Variants in PPP2R5C observed in about 807,000 individuals in gnomAD.
PPP2R5C encodes the protein protein phosphatase 2 regulatory subunit B'gamma.
A neutral mutation model predicts 68.9 loss-of-function variants in PPP2R5C; 7 were observed. That is an observed-to-expected ratio of 0.10 (90% confidence interval 0.06 to 0.19). The LOEUF (loss-of-function observed/expected upper bound fraction) is 0.19, where lower values mean the gene tolerates loss of function less well. Ranked by LOEUF, PPP2R5C falls within the 10% of genes least tolerant of loss-of-function variation. The pLI is 1.00. For synonymous variants in PPP2R5C, 210 were observed against 222.2 expected, an observed-to-expected ratio of 0.95 and a Z score of 0.49; for missense variants, 348 against 641.3, an observed-to-expected ratio of 0.54 and a Z score of 4.94.
chr14:101,762,940 A>G lies in PPP2R5C; in HGVS notation c.63A>G (p.Ser21=), dbSNP rs768360842. Residue 21 remains serine, a synonymous_variant, in exon 2 of 15, where the codon TCA becomes TCG. Transcript: ENST00000328724. ...AAGCAGGGAAGAGTGGAAAAAGTTC[A>G]AAAGAAGGACAAGACACAGTAGAAT... 1.3e-6 allele frequency: 2 copies of G among 1,583,486 alleles called. No homozygotes were observed. Among genetic ancestry groups the G allele is most frequent in the Non-Finnish European group, 1.7e-6 (2 of 1,163,818 alleles).
chr14:101,786,314 T>G (rs542216783), intron 3 of PPP2R5C, 131 bp downstream of exon 3: 23 of 224,262 alleles, frequency 1.0e-4, no homozygotes, highest in African/African-American at 2.7e-4. Flanking sequence ...TATTGAGGGG[T>G]TTTTTTTTTT....
At chr14:101,890,860 C>T (rs1175053245) in intron 6 of PPP2R5C, among the ~76,000 whole-genome samples, 1 of 145,052 alleles carries the variant, frequency 6.9e-6, no homozygotes, top group Admixed American at 7.1e-5. Flanking sequence ...GCAATCTCTG[C>T]TTCCCTGGTT....
chr14:101,821,195 C>T (rs1336265744), intron 1 of PPP2R5C: 2 of 152,138 alleles, frequency 1.3e-5, no homozygotes, highest in South Asian at 2.1e-4. Flanking sequence ...CCCACCTAAC[C>T]CTGAGCCTTC....
At chr14:101,885,505 T>C (rs1408928280) in intron 5 of PPP2R5C, among the ~76,000 whole-genome samples, 1 of 140,900 alleles carries the variant, frequency 7.1e-6, no homozygotes, top group Non-Finnish European at 1.5e-5. Flanking sequence ...CCGTGCCGGC[T>C]TGCACAGCCT....
intron 13 of PPP2R5C, among the ~76,000 whole-genome samples, chr14:101,923,544 G>A (rs538547918): frequency 1.3e-5 from 2 of 152,290 alleles, no homozygotes; most frequent in African/African-American, 2.4e-5. Context: ...GCTCTTACAA[G>A]TACCGTGATG....
At chr14:101,865,072 G>C (rs544762615) in intron 2 of PPP2R5C, among the ~76,000 whole-genome samples, 3 of 152,314 alleles carry the variant, frequency 2.0e-5, no homozygotes, top group African/African-American at 7.2e-5. Context: ...AGGAACCAAC[G>C]CGCAGGTTTC....
chr14:101,801,316 T>C (rs2038853401), intron 3 of PPP2R5C, among the ~76,000 whole-genome samples: 1 of 152,158 alleles, frequency 6.6e-6, no homozygotes, highest in Admixed American at 6.5e-5. Flanking sequence ...AAATATCACA[T>C]GTCCCCTCCA....
At chr14:101,858,452 C>T (rs1174551336) in intron 2 of PPP2R5C, among the ~76,000 whole-genome samples, 3 of 151,520 alleles carry the variant, frequency 2.0e-5, no homozygotes, top group African/African-American at 7.3e-5. Flanking sequence ...TCACCTCAAG[C>T]GTTTATCATT....
intron 1 of PPP2R5C, chr14:101,820,602 C>G (rs1042192615): frequency 3.9e-5 from 6 of 152,344 alleles, no homozygotes; most frequent in Non-Finnish European, 7.4e-5. Context: ...TTTTGAGAAG[C>G]ATTGAAACCT....
rs2046064096 is a variant in PPP2R5C at position 101,906,965 on chromosome 14, G to C, written c.1151+436G>C. ...AACCACCCCACAGTGGTCACTACCT[G>C]GAGAAGAAGAGGGAAGCCAGGTGAT... On this transcript the variant is annotated intron_variant, in intron 10 of 13. Coordinates refer to ENST00000334743, the Ensembl canonical transcript of PPP2R5C. This position sits in a 1 kb window ranked among gnomAD's most constrained non-coding sequence, Gnocchi z 4.0. 6.6e-6 allele frequency among the ~76,000 whole-genome samples: 1 copy of C among 152,104 alleles called. No homozygotes were observed. Among genetic ancestry groups the C allele is most frequent in the African/African-American group, 2.4e-5 (1 of 41,412 alleles).
chr14:101,798,457 TCAAA>T (rs2038716929), intron 3 of PPP2R5C, among the ~76,000 whole-genome samples: 1 of 152,154 alleles, frequency 6.6e-6, no homozygotes, highest in Non-Finnish European at 1.5e-5. Flanking sequence ...GACAGAGGGA[TCAAA>T]GAATAAAGAA....
At chr14:101,812,110 G>T (rs2039397400) in intron 1 of PPP2R5C, among the ~76,000 whole-genome samples, 1 of 152,188 alleles carries the variant, frequency 6.6e-6, no homozygotes, top group Admixed American at 6.5e-5. Context: ...GACTTTTCTG[G>T]AGCGAGCATG....
chr14:101,763,728 C>T (rs2036689668), intron 2 of PPP2R5C, among the ~76,000 whole-genome samples: 1 of 152,160 alleles, frequency 6.6e-6, no homozygotes, highest in Non-Finnish European at 1.5e-5. Context: ...AACCCAGCAA[C>T]CCTCCTGTAT....
intron 1 of PPP2R5C, among the ~76,000 whole-genome samples, chr14:101,828,765 C>A (rs1158175845): frequency 6.6e-6 from 1 of 151,438 alleles, no homozygotes; most frequent in African/African-American, 2.4e-5. Flanking sequence ...GCAACCTCCG[C>A]CTCCTGGGTT....
chr14:101,792,934 G>A (rs1474129521), intron 3 of PPP2R5C, among the ~76,000 whole-genome samples: 2 of 150,950 alleles, frequency 1.3e-5, no homozygotes, highest in Admixed American at 1.3e-4. Flanking sequence ...CTGGAGTGCA[G>A]TGGTGCAATC....
chr14:101,764,866 A>G (rs148782074), intron 2 of PPP2R5C, among the ~76,000 whole-genome samples: 2 of 145,456 alleles, frequency 1.4e-5, no homozygotes, highest in African/African-American at 5.2e-5. Context: ...TTCTCCCCAG[A>G]GCTTTCTTGC....
chr14:101,808,454 G>A (rs2039168399), upstream of PPP2R5C, among the ~76,000 whole-genome samples: 1 of 151,976 alleles, frequency 6.6e-6, no homozygotes, highest in Admixed American at 6.6e-5. Context: ...GAGGGGGAAG[G>A]GTGGGATTTG....
intron 8 of PPP2R5C, among the ~76,000 whole-genome samples, chr14:101,898,115 G>A (rs952384690): frequency 2.6e-5 from 4 of 152,062 alleles, no homozygotes; most frequent in African/African-American, 9.7e-5. Flanking sequence ...AGCTATGAAC[G>A]CACCAACTTC....
At chr14:101,857,001 T>C in intron 2 of PPP2R5C, 116 bp downstream of exon 4, 1 of 995,316 alleles carries the variant, frequency 1.0e-6, no homozygotes, top group South Asian at 1.6e-5. Context: ...GTTCCAGAAT[T>C]TGTAGTTGTG....
Sources: allele counts gnomAD v4.1 joint callset (sites outside exome capture counted in the v4.1 genomes callset), GRCh38; gene constraint gnomAD v4.1.1; non-coding constraint Gnocchi (gnomAD v3.1); transcripts MANE v1.5; gene names NCBI Gene and HGNC (gene_info 2026-07-23, HGNC 2026-07-21).